The following GDF1 variants were observed in gnomAD, a reference collection of about 807,000 sequenced individuals.
GDF1 encodes the protein growth differentiation factor 1.
A neutral mutation model predicts 7.4 loss-of-function variants in GDF1; 8 were observed. The observed-to-expected ratio is 1.09, with a 90% confidence interval of 0.64 to 1.96. The LOEUF is 1.96. GDF1 is among the 30% of genes most tolerant of loss of function. The pLI, the probability that GDF1 is intolerant of heterozygous loss-of-function variation, is 0.00. For synonymous variants in GDF1, 311 were observed against 276.7 expected (o/e 1.12, Z -1.23); for missense variants, 574 against 551.5 (o/e 1.04, Z -0.41).
chr19:18,886,797 C>T (rs566404657), intron 2 of GDF1, among the ~76,000 whole-genome samples: 112 of 152,336 alleles, frequency 7.4e-4, no homozygotes, highest in African/African-American at 2.6e-3. Context: ...ACTTTCATCT[C>T]GGCCTGGCCC....
At position 18,878,188 on chromosome 19, in the gene GDF1, C is replaced by T. The variant is rs2056099180; in HGVS notation, c.-313+742G>A. The T allele has an allele frequency of 6.1e-6, 6 of 985,660 alleles. No individual in the cohort carries two copies. The highest frequency in any genetic ancestry group is 7.2e-6 in the Non-Finnish European group (6 of 830,086). The allele number at this position is 985,660 out of a possible 1,614,324, so 61.1% of individuals were successfully genotyped here. On this transcript the variant is annotated intron_variant, in intron 6 of 7. Transcript: ENST00000247005. This position sits in a 1 kb window ranked among gnomAD's most constrained non-coding sequence, Gnocchi z 4.6. Reference sequence around the variant, plus strand: ...GGCACCTTCCAGGGCCTTCCACAACCTCCTGCCCCGGCTCCTGCTCAAACA... The same window carrying T: ...GGCACCTTCCAGGGCCTTCCACAACTTCCTGCCCCGGCTCCTGCTCAAACA...
intron 2 of GDF1, among the ~76,000 whole-genome samples, chr19:18,887,805 T>C (rs2056397803): frequency 6.6e-6 from 1 of 151,672 alleles, no homozygotes; most frequent in Admixed American, 6.6e-5. Flanking sequence ...ATCTAAGCCA[T>C]TTGTTAAGTA....
rs148632632 is a variant in GDF1, at chr19:18,881,057, C to T, written c.-732-622G>A. ...GTGACCTCTGACCCTCTATGACCCC[C>T]GACTCTCACAGGCCTGGGGTACTCT... On this transcript the variant is annotated intron_variant, in intron 3 of 7. Coordinates refer to ENST00000247005, the MANE Select transcript of GDF1 (RefSeq NM_001492.6). Among the ~76,000 whole-genome samples the T allele has an allele frequency of 2.6e-3, 389 of 152,066 alleles. 1 individual carries two copies. The highest frequency in any genetic ancestry group is 8.9e-3 in the African/African-American group (369 of 41,486).
At chr19:18,869,890 C>T (rs1451828547) in intron 7 of GDF1, 93 bp downstream of exon 7, 7 of 1,282,528 alleles carry the variant, frequency 5.5e-6, no homozygotes, top group Non-Finnish European at 7.7e-6. Flanking sequence ...TGGGGACCCT[C>T]GGAGCTGCTC....
chr19:18,873,521 A>AC (rs1313606862), intron 6 of GDF1, among the ~76,000 whole-genome samples: 1 of 151,688 alleles, frequency 6.6e-6, no homozygotes, highest in Non-Finnish European at 1.5e-5. Flanking sequence ...ACACAGTGAG[A>AC]CCCCATCTCT....
At position 18,869,035 on chromosome 19, in the gene GDF1, G is replaced by GCAGGCGGCAGGGGCC. The variant is rs2055908682; in HGVS notation, c.666_680dup (p.Ala226_Cys227insTrpAlaProAlaAla). ...GCAGCGAGGCCTCGGCCAGGCGCGC[G>GCAGGCGGCAGGGGCC]CAGGCGGCAGGGGCCCGGGGGCGTA... On this transcript the variant is annotated inframe_insertion, in exon 8 of 8. Coordinates refer to ENST00000247005, the MANE Select transcript of GDF1 (RefSeq NM_001492.6). The GCAGGCGGCAGGGGCC allele has an allele frequency of 9.3e-7, 1 of 1,073,414 alleles. No individual in the cohort carries two copies. The highest frequency in any genetic ancestry group is 1.1e-6 in the Non-Finnish European group (1 of 887,744). 66.5% of individuals were successfully genotyped at this position (1,073,414 alleles called of 1,614,324 possible).
intron 3 of GDF1, among the ~76,000 whole-genome samples, chr19:18,881,434 G>C (rs1224644402): frequency 6.6e-6 from 1 of 151,834 alleles, no homozygotes; most frequent in Non-Finnish European, 1.5e-5. Flanking sequence ...TGGTCCCGCT[G>C]ATCTCGAATT....
rs1478065936 is a variant in GDF1, at chr19:18,878,290, C to T, written c.-313+640G>A. The stretch of plus-strand genomic sequence containing the variant: ...GTTTGGCCTCCGTTCATCCCTGGCC[C>T]AGACACCCCCTGCCTGCCCCAGGCC... On this transcript the variant is annotated intron_variant, in intron 6 of 7. Coordinates refer to ENST00000247005, the MANE Select transcript of GDF1 (RefSeq NM_001492.6). This position sits in a 1 kb window ranked among gnomAD's most constrained non-coding sequence, Gnocchi z 4.6. 1.0e-6 allele frequency: 1 copy of T among 985,914 alleles called. No individual in the cohort carries two copies. Among genetic ancestry groups the T allele is most frequent in the African/African-American group, 1.7e-5 (1 of 57,172 alleles). The allele number at this position is 985,914 out of a possible 1,614,324, so 61.1% of individuals were successfully genotyped here.
intron 6 of GDF1, among the ~76,000 whole-genome samples, chr19:18,872,709 T>A (rs1364603999): frequency 6.3e-4 from 96 of 152,008 alleles, no homozygotes; most frequent in Middle Eastern, 3.4e-3. Flanking sequence ...AGAGATGCGG[T>A]TTTACCATGT....
rs375190418 is a variant in GDF1, at chr19:18,892,836, C to T, written c.-914+580G>A. On this transcript the variant is annotated intron_variant, in intron 2 of 7. Coordinates refer to ENST00000247005, the MANE Select transcript of GDF1 (RefSeq NM_001492.6). The stretch of plus-strand genomic sequence containing the variant: ...TACCCCCTTTCCTGTCCCCAGGGAT[C>T]ACCTTTGTCTTGGGGCTGGCTTAAC... Among the ~76,000 whole-genome samples, 12 of 152,294 alleles carry T rather than the reference C, an allele frequency of 7.9e-5. No homozygotes were observed. In the South Asian group the frequency reaches 2.5e-3, roughly 32 times the overall value.
At chr19:18,884,658 C>T (rs1263561575) in intron 2 of GDF1, among the ~76,000 whole-genome samples, 2 of 149,600 alleles carry the variant, frequency 1.3e-5, no homozygotes, top group Non-Finnish European at 3.0e-5. Flanking sequence ...TCACCTGCCT[C>T]GGCCTCCCAA....
At chr19:18,874,163 G>A (rs989541463) in intron 6 of GDF1, among the ~76,000 whole-genome samples, 22 of 152,140 alleles carry the variant, frequency 1.4e-4, no homozygotes, top group African/African-American at 5.1e-4. Flanking sequence ...ATCCTCACCC[G>A]GCCACTTCTG....
intron 3 of GDF1, chr19:18,881,929 C>A (rs2056220856): frequency 6.6e-6 from 1 of 152,276 alleles, no homozygotes; most frequent in South Asian, 2.1e-4. Flanking sequence ...CCCACCTCAG[C>A]CTCTTGAGTA....
At position 18,877,917 on chromosome 19, in the gene GDF1, C is replaced by T. The variant is rs183796692; in HGVS notation, c.-313+1013G>A. 58 of 963,462 alleles carry T rather than the reference C, an allele frequency of 6.0e-5. No individual in the cohort carries two copies. In the African/African-American group the frequency reaches 7.7e-4, roughly 13 times the overall value. The allele number at this position is 963,462 out of a possible 1,614,324, so 59.7% of individuals were successfully genotyped here. On this transcript the variant is annotated intron_variant, in intron 6 of 7. Coordinates refer to ENST00000247005, the MANE Select transcript of GDF1 (RefSeq NM_001492.6). ...CCAGCTCGAGCCAAAAGTCTTGAGT[C>T]GTCTTTGATTCTTTTATTTCTGTTT...
At position 18,870,933 on chromosome 19, in the gene GDF1, C is replaced by G. The variant is rs1011941440; in HGVS notation, c.-312-314G>C. ...CCAGGCCGCTGGAGGGCAAAACCCA[C>G]GTACCGGCCTGGGCCTGACAACTCC... On this transcript the variant is annotated intron_variant, in intron 6 of 7. Coordinates refer to ENST00000247005, the MANE Select transcript of GDF1 (RefSeq NM_001492.6). This position sits in a 1 kb window ranked among gnomAD's most constrained non-coding sequence, Gnocchi z 5.1. Among the ~76,000 whole-genome samples the G allele has an allele frequency of 6.6e-6, 1 of 152,166 alleles. No individual in the cohort carries two copies. The highest frequency in any genetic ancestry group is 1.5e-5 in the Non-Finnish European group (1 of 68,024).
At chr19:18,893,231 A>T in intron 2 of GDF1, among the ~76,000 whole-genome samples, 185 bp downstream of exon 2, 1 of 141,210 alleles carries the variant, frequency 7.1e-6, no homozygotes, top group East Asian at 2.1e-4. Context: ...CTTTTTTGAT[A>T]CAAGACAGGG....
rs748401700 is a variant in GDF1 at position 18,878,808 on chromosome 19, C to T, written c.-313+122G>A. 1.9e-5 allele frequency: 28 copies of T among 1,488,244 alleles called. No homozygotes were observed. Among genetic ancestry groups the T allele is most frequent in the Non-Finnish European group, 2.4e-5 (27 of 1,119,568 alleles). 92.2% of individuals were successfully genotyped at this position (1,488,244 alleles called of 1,614,324 possible). On this transcript the variant is annotated intron_variant, in intron 6 of 7. Transcript: ENST00000247005. This position sits in a 1 kb window ranked among gnomAD's most constrained non-coding sequence, Gnocchi z 4.6. ...ATTGCAGTCTCTGTTTTGGAGTAGG[C>T]TTGGGGGGCAGCATCCGCGTCGGCC... is the stretch of plus-strand genomic sequence containing the variant.
In GDF1 at chr19:18,882,723, C is replaced by T. The variant is rs151105396; in HGVS notation, c.-733+1364G>A. Reference sequence around the variant, plus strand: ...TTTGTTTATTTTTGAGACGGAGTCTCGCTCTGTCGCCCAGGCTGGAGTGCA... The same window carrying T: ...TTTGTTTATTTTTGAGACGGAGTCTTGCTCTGTCGCCCAGGCTGGAGTGCA... On this transcript the variant is annotated intron_variant, in intron 3 of 7. Transcript: ENST00000247005. 1.3e-4 allele frequency among the ~76,000 whole-genome samples: 20 copies of T among 151,738 alleles called. No homozygotes were observed. In the East Asian group the frequency reaches 3.7e-3, roughly 28 times the overall value.
intron 2 of GDF1, among the ~76,000 whole-genome samples, chr19:18,887,023 G>C (rs1320835654): frequency 1.3e-5 from 2 of 152,212 alleles, no homozygotes; most frequent in East Asian, 3.8e-4. Flanking sequence ...GTGTGTGCCT[G>C]ACAATGGAAA....
Sources: allele counts gnomAD v4.1 joint callset (sites outside exome capture counted in the v4.1 genomes callset), GRCh38; gene constraint gnomAD v4.1.1; non-coding constraint Gnocchi (gnomAD v3.1); transcripts MANE v1.5; gene names NCBI Gene and HGNC (gene_info 2026-07-23, HGNC 2026-07-21).